NRG1: variants seen among roughly 807,000 people sequenced by gnomAD.
The protein encoded by NRG1 is pro-neuregulin-1, membrane-bound isoform.
A neutral mutation model predicts 63.8 loss-of-function variants in NRG1; 18 were observed. That is an observed-to-expected ratio of 0.28 (90% CI 0.19 to 0.42). NRG1 has a LOEUF of 0.42. Among genes scored for constraint, NRG1 ranks in the 10% least tolerant of loss-of-function variants. The probability of loss-of-function intolerance (pLI) is 1.00; values close to 1 mark genes in which losing one functional copy is unlikely to be tolerated. For synonymous variants in NRG1, 302 were observed against 301.3 expected, an observed-to-expected ratio of 1.00 and a Z score of -0.02; for missense variants, 762 against 814.7, an observed-to-expected ratio of 0.94 and a Z score of 0.79.
chr8:31,901,120 C>G (rs900866531), intron 1 of NRG1, among the ~76,000 whole-genome samples: 2 of 151,994 alleles, frequency 1.3e-5, no homozygotes, highest in African/African-American at 4.8e-5. Flanking sequence ...AAGCATTAAT[C>G]ATGAAGATGA....
At chr8:32,260,129 C>T (rs996296324) in intron 1 of NRG1, among the ~76,000 whole-genome samples, 10 of 152,124 alleles carry the variant, frequency 6.6e-5, no homozygotes, top group African/African-American at 2.4e-4. Context: ...ACTTCAAATG[C>T]CTGAACTTGC....
intron 1 of NRG1, among the ~76,000 whole-genome samples, chr8:32,233,018 C>T (rs953728835): frequency 1.3e-5 from 2 of 152,054 alleles, no homozygotes; most frequent in African/African-American, 4.8e-5. Flanking sequence ...TACAAAATTG[C>T]ATTTCTATGT....
intron 1 of NRG1, among the ~76,000 whole-genome samples, chr8:31,957,203 T>TC (rs1804593942): frequency 2.0e-5 from 3 of 151,672 alleles, no homozygotes; most frequent in South Asian, 2.1e-4. Context: ...TTTTTTTTTT[T>TC]CTTGTCTTTG....
chr8:32,405,344 C>T (rs750776595), intron 1 of NRG1, among the ~76,000 whole-genome samples: 1 of 152,198 alleles, frequency 6.6e-6, no homozygotes, highest in Non-Finnish European at 1.5e-5. Flanking sequence ...TTCTCCTACT[C>T]CCATTTGAAG....
At chr8:32,646,659 G>A in intron 5 of NRG1, 4 of 982,146 alleles carry the variant, frequency 4.1e-6, no homozygotes, top group Non-Finnish European at 4.8e-6. Context: ...AGGTGGGGGT[G>A]GAAGAAGACT....
chr8:32,047,356 A>G (rs929478331), intron 1 of NRG1, among the ~76,000 whole-genome samples: 2 of 152,108 alleles, frequency 1.3e-5, no homozygotes, highest in African/African-American at 4.8e-5. Flanking sequence ...CATGATTTCA[A>G]TACCCCTATA....
At chr8:32,530,397 G>A (rs1391047770) in intron 1 of NRG1, among the ~76,000 whole-genome samples, 2 of 152,154 alleles carry the variant, frequency 1.3e-5, no homozygotes, top group East Asian at 1.9e-4. Flanking sequence ...GTGAGCCACC[G>A]CGCCCAGCCA....
In NRG1 at chr8:32,742,494, T is replaced by C. The variant is rs1826583146; in HGVS notation, c.633-181T>C. Among the ~76,000 whole-genome samples, 1 of 152,166 alleles carries C rather than the reference T, an allele frequency of 6.6e-6. No individual in the cohort carries two copies. The highest frequency in any genetic ancestry group is 1.5e-5 in the Non-Finnish European group (1 of 68,036). On this transcript the variant is annotated intron_variant, in intron 6 of 11. Coordinates refer to ENST00000356819, the Ensembl canonical transcript of NRG1. This position sits in a 1 kb window ranked among gnomAD's most constrained non-coding sequence, Gnocchi z 4.2. ...TTAAGAACTGCATTCTGTCCAAATTTTTAACCATTTGGGGGAAGTGCCAGA... is the reference window on the plus strand; with the variant it reads ...TTAAGAACTGCATTCTGTCCAAATTCTTAACCATTTGGGGGAAGTGCCAGA...
Position 31,640,337 on chromosome 8 carries a change from C to T in NRG1, c.37+906C>T. On this transcript the variant is annotated intron_variant, in intron 1 of 10. Transcript: ENST00000519301. This position sits in a 1 kb window ranked among gnomAD's most constrained non-coding sequence, Gnocchi z 6.3. ...GCGTGGGGCGGCGATCGCGAGCCGCCAGCCGCGGGCCCACGGGCGCTGGGG... is the reference window on the plus strand; with the variant it reads ...GCGTGGGGCGGCGATCGCGAGCCGCTAGCCGCGGGCCCACGGGCGCTGGGG... The T allele has an allele frequency of 1.3e-5, 15 of 1,188,066 alleles. No individual in the cohort carries two copies. The highest frequency in any genetic ancestry group is 4.2e-5 in the South Asian group (1 of 24,088). 73.6% of individuals were successfully genotyped at this position (1,188,066 alleles called of 1,614,324 possible).
chr8:32,122,197 G>A lies in NRG1; in HGVS notation c.38-473631G>A, dbSNP rs574370709. Among the ~76,000 whole-genome samples the A allele has an allele frequency of 7.2e-5, 11 of 151,968 alleles. No individual in the cohort carries two copies. In the South Asian group the frequency reaches 2.3e-3, roughly 32 times the overall value. On this transcript the variant is annotated intron_variant, in intron 1 of 10. Coordinates refer to the NRG1 transcript ENST00000519301. ...CACAAAAACAAATATAAATAGTTAT[G>A]GGGGGAAATAAACAACAGGCCAAAT...
intron 4 of NRG1, among the ~76,000 whole-genome samples, chr8:32,615,994 A>T (rs983974631): frequency 6.6e-6 from 1 of 152,118 alleles, no homozygotes; most frequent in South Asian, 2.1e-4. Context: ...AAGAGCTTTT[A>T]CATTTATATG....
intron 5 of NRG1, among the ~76,000 whole-genome samples, chr8:32,629,927 C>A (rs1849975297): frequency 6.6e-6 from 1 of 152,004 alleles, no homozygotes; most frequent in Non-Finnish European, 1.5e-5. Context: ...TAATAGATGA[C>A]AATAATATAT....
In NRG1 at chr8:32,681,606, A is replaced by T. The variant is rs143591470; in HGVS notation, c.503-46343A>T. Among the ~76,000 whole-genome samples, 424 of 152,308 alleles carry T rather than the reference A, an allele frequency of 2.8e-3. 2 individuals carry two copies. The highest frequency in any genetic ancestry group is 9.5e-3 in the African/African-American group (393 of 41,586). ...TCTTTTACACAGTGATGAATTAATA[A>T]TTAAACCAAACAAAACCAAACAACA... is the stretch of plus-strand genomic sequence containing the variant. On this transcript the variant is annotated intron_variant, in intron 5 of 11. Coordinates refer to ENST00000356819, the Ensembl canonical transcript of NRG1.
At chr8:32,709,850 G>T (rs746756503) in intron 5 of NRG1, among the ~76,000 whole-genome samples, 5 of 152,038 alleles carry the variant, frequency 3.3e-5, no homozygotes, top group African/African-American at 4.8e-5. Flanking sequence ...AAAATCAACG[G>T]AATACTGAAG....
chr8:32,743,263 T>A (rs1826763620), intron 7 of NRG1: 1 of 976,532 alleles, frequency 1.0e-6, no homozygotes, highest in Non-Finnish European at 1.2e-6. Context: ...ACAGTTTGCA[T>A]TGAGGCATTT....
chr8:31,773,348 A>G (rs914211687), intron 1 of NRG1, among the ~76,000 whole-genome samples: 1 of 152,158 alleles, frequency 6.6e-6, no homozygotes, highest in Non-Finnish European at 1.5e-5. Flanking sequence ...AGTCCTGTTC[A>G]TTTGAGTTTC....
chr8:31,920,289 T>C (rs2129618464), intron 1 of NRG1, among the ~76,000 whole-genome samples: 1 of 100,932 alleles, frequency 9.9e-6, no homozygotes, highest in African/African-American at 4.2e-5. Flanking sequence ...TGGAACTACC[T>C]TCGTGCTTTA....
intron 1 of NRG1, among the ~76,000 whole-genome samples, chr8:32,002,643 T>C (rs1382120581): frequency 6.6e-6 from 1 of 152,182 alleles, no homozygotes; most frequent in Non-Finnish European, 1.5e-5. Flanking sequence ...ACTCTTTTAA[T>C]TGGGGAACAG....
At chr8:32,317,766 T>C (rs972444562) in intron 1 of NRG1, among the ~76,000 whole-genome samples, 1 of 152,226 alleles carries the variant, frequency 6.6e-6, no homozygotes, top group East Asian at 1.9e-4. Context: ...GGAATGCTAT[T>C]GAAATGACAA....
Sources: gnomAD v4.1 joint callset for allele counts (sites outside exome capture counted in the v4.1 genomes callset) on GRCh38, gnomAD v4.1.1 for gene constraint, Gnocchi (gnomAD v3.1) non-coding constraint, MANE v1.5 for transcripts, NCBI Gene and HGNC (gene_info 2026-07-23, HGNC 2026-07-21) for gene names.